The following GALNT16 variants were observed in gnomAD, a reference collection of about 807,000 sequenced individuals.
The protein encoded by GALNT16 is polypeptide N-acetylgalactosaminyltransferase 16, also known as UDP-GalNAc:polypeptide N-acetylgalactosaminyltransferase-like protein 1.
A neutral mutation model predicts 76.1 loss-of-function variants in GALNT16; 40 were observed. The observed-to-expected ratio is 0.53, with a 90% CI of 0.41 to 0.68. The LOEUF (loss-of-function observed/expected upper bound fraction) is 0.68, where lower values mean the gene tolerates loss of function less well. Among genes scored for constraint, GALNT16 ranks in the 30% least tolerant of loss-of-function variants. The probability of loss-of-function intolerance (pLI) is 0.00; values close to 1 mark genes in which losing one functional copy is unlikely to be tolerated. For synonymous variants in GALNT16, 276 were observed against 285.2 expected, an observed-to-expected ratio of 0.97 and a Z score of 0.32; for missense variants, 621 against 731.9, an observed-to-expected ratio of 0.85 and a Z score of 1.75.
intron 12 of GALNT16, among the ~76,000 whole-genome samples, chr14:69,344,700 A>G (rs1364259796): frequency 6.6e-6 from 1 of 152,192 alleles, no homozygotes; most frequent in African/African-American, 2.4e-5. Flanking sequence ...CTTGGTCAGT[A>G]TCCACCTCAC....
chr14:69,316,748 T>G (rs531734964), intron 1 of GALNT16, among the ~76,000 whole-genome samples: 1 of 119,966 alleles, frequency 8.3e-6, no homozygotes. Context: ...CCTCAGGCCA[T>G]TGTGAGCTTG....
intron 1 of GALNT16, among the ~76,000 whole-genome samples, chr14:69,273,615 A>G (rs1349877852): frequency 6.6e-6 from 1 of 152,246 alleles, no homozygotes; most frequent in Non-Finnish European, 1.5e-5. Flanking sequence ...GCCACTTTGA[A>G]GAAGCAGGGA....
At chr14:69,342,488 G>GGGAGGGAGGGAA (rs2045503057) in intron 12 of GALNT16, among the ~76,000 whole-genome samples, 2 of 74,186 alleles carry the variant, frequency 2.7e-5, no homozygotes, top group Admixed American at 1.2e-4. Context: ...GAGGGAGGGA[G>GGGAGGGAGGGAA]GGAGGGAGGG....
the GALNT16 span, among the ~76,000 whole-genome samples, chr14:69,375,338 T>G: frequency 6.6e-6 from 1 of 152,224 alleles, no homozygotes; most frequent in Non-Finnish European, 1.5e-5. Flanking sequence ...TGCTTCATGA[T>G]CCAGTCTGAC....
chr14:69,336,645 C>T (rs1474408439), intron 9 of GALNT16, among the ~76,000 whole-genome samples: 1 of 152,176 alleles, frequency 6.6e-6, no homozygotes, highest in Non-Finnish European at 1.5e-5. Context: ...AGCTCCCAGC[C>T]TGATTCATTT....
chr14:69,334,710 G>A (rs2045395750), intron 9 of GALNT16, among the ~76,000 whole-genome samples: 1 of 152,138 alleles, frequency 6.6e-6, no homozygotes. Context: ...GGTGGAGAGT[G>A]TCAGGGCTAA....
the GALNT16 span, among the ~76,000 whole-genome samples, chr14:69,382,008 G>A: frequency 6.6e-6 from 1 of 152,134 alleles, no homozygotes; most frequent in Non-Finnish European, 1.5e-5. Flanking sequence ...TCATAAATGA[G>A]AAACCAAGGC....
chr14:69,332,994 C>G, intron 7 of GALNT16, 91 bp from the exon 8 acceptor site: 2 of 875,038 alleles, frequency 2.3e-6, no homozygotes, highest in Non-Finnish European at 3.9e-6. Flanking sequence ...GGGCTCTGAT[C>G]AGGGGAGACT....
chr14:69,369,492 G>T, the GALNT16 span, among the ~76,000 whole-genome samples: 8 of 152,138 alleles, frequency 5.3e-5, no homozygotes, highest in South Asian at 1.2e-3. Context: ...CTTTGGATGG[G>T]GTCCATGAGG....
At chr14:69,305,605 G>A (rs75514329) in intron 1 of GALNT16, among the ~76,000 whole-genome samples, 1 of 152,058 alleles carries the variant, frequency 6.6e-6, no homozygotes, top group African/African-American at 2.4e-5. Flanking sequence ...TTTAAATCAG[G>A]TTACTAGTTT....
chr14:69,271,058 C>T (rs574982800), intron 1 of GALNT16, among the ~76,000 whole-genome samples: 399 of 152,140 alleles, frequency 2.6e-3, no homozygotes, highest in African/African-American at 9.1e-3. Flanking sequence ...AGGCTACCCA[C>T]GGTGATGTGT....
intron 1 of GALNT16, among the ~76,000 whole-genome samples, chr14:69,294,993 A>C (rs1277328254): frequency 6.6e-6 from 1 of 152,178 alleles, no homozygotes; most frequent in Admixed American, 6.5e-5. Flanking sequence ...TTTTTCATTC[A>C]CCAGATGATA....
the GALNT16 span, among the ~76,000 whole-genome samples, chr14:69,367,573 T>C: frequency 1.3e-5 from 2 of 150,942 alleles, no homozygotes; most frequent in Admixed American, 6.6e-5. Flanking sequence ...CTATGGTACT[T>C]CGTTGTAACA....
intron 1 of GALNT16, among the ~76,000 whole-genome samples, chr14:69,275,574 T>C (rs1302226749): frequency 6.6e-6 from 1 of 152,252 alleles, no homozygotes; most frequent in Non-Finnish European, 1.5e-5. Flanking sequence ...AAAGTGGAAC[T>C]GGCCAGGCAC....
chr14:69,357,075 C>T (rs1053419052), downstream of GALNT16: 3 of 152,178 alleles, frequency 2.0e-5, no homozygotes, highest in Admixed American at 6.5e-5. Context: ...CAAATGTAAA[C>T]AAGACAGAAA....
the GALNT16 span, among the ~76,000 whole-genome samples, chr14:69,375,980 TA>T: frequency 6.6e-6 from 1 of 152,054 alleles, no homozygotes; most frequent in Non-Finnish European, 1.5e-5. Flanking sequence ...CCGTCGACGT[TA>T]AAAAACATTT....
intron 1 of GALNT16, among the ~76,000 whole-genome samples, chr14:69,270,634 G>C (rs1341843339): frequency 6.6e-6 from 1 of 152,256 alleles, no homozygotes; most frequent in Non-Finnish European, 1.5e-5. Context: ...GGCAACCCGA[G>C]TTGCCTTCCA....
intron 12 of GALNT16, among the ~76,000 whole-genome samples, chr14:69,343,267 GCAA>G (rs1327360731): frequency 6.6e-6 from 1 of 152,204 alleles, no homozygotes; most frequent in East Asian, 1.9e-4. Context: ...CTTGAAAGAG[GCAA>G]ATCTTTGTCC....
In GALNT16 at chr14:69,326,106, C is replaced by T. The variant is rs913033996; in HGVS notation, c.568+79C>T. On this transcript the variant is annotated intron_variant, in intron 5 of 14. Coordinates refer to ENST00000448469, the MANE Select transcript of GALNT16 (RefSeq NM_001168368.2). ...GCACTTCCCCACTCTCTCTTGGTGCCGTGGCACACCAAGCCAACATGGTCC... is the reference window on the plus strand; with the variant it reads ...GCACTTCCCCACTCTCTCTTGGTGCTGTGGCACACCAAGCCAACATGGTCC... 53 of 1,079,324 alleles carry T rather than the reference C, an allele frequency of 4.9e-5. No homozygotes were observed. The African/African-American group carries it at 5.2e-4, about 11-fold the overall frequency. The allele number at this position is 1,079,324 out of a possible 1,614,324, so 66.9% of individuals were successfully genotyped here. A position where few individuals can be genotyped will look rare whatever the true frequency, so the allele number is the denominator to read the frequency against.
Sources: gnomAD v4.1 joint callset for allele counts (sites outside exome capture counted in the v4.1 genomes callset) on GRCh38, gnomAD v4.1.1 for gene constraint, MANE v1.5 for transcripts, NCBI Gene and HGNC (gene_info 2026-07-23, HGNC 2026-07-21) for gene names.